The following RGS6 variants were observed in gnomAD, a reference collection of about 807,000 sequenced individuals.
RGS6 encodes regulator of G-protein signaling 6.
Under a neutral mutation model 78.5 loss-of-function variants are expected in RGS6, and 30 were observed. The observed-to-expected ratio is 0.38, with a 90% CI of 0.29 to 0.52. The LOEUF (loss-of-function observed/expected upper bound fraction) is 0.52, where lower values mean the gene tolerates loss of function less well. Ranked by LOEUF, RGS6 falls within the 20% of genes least tolerant of loss-of-function variation. The pLI is 0.85. For synonymous variants in RGS6, 206 were observed against 206.0 expected, an observed-to-expected ratio of 1.00 and a Z score of 0.00; for missense variants, 495 against 609.7, an observed-to-expected ratio of 0.81 and a Z score of 1.98.
intron 2 of RGS6, among the ~76,000 whole-genome samples, chr14:72,148,005 T>C (rs948153223): frequency 6.6e-6 from 1 of 151,692 alleles, no homozygotes; most frequent in African/African-American, 2.4e-5. Flanking sequence ...GTGGCAGGCG[T>C]CTGTAGTCCC....
chr14:72,397,698 G>T (rs567532828), intron 3 of RGS6, among the ~76,000 whole-genome samples: 2 of 152,144 alleles, frequency 1.3e-5, no homozygotes, highest in African/African-American at 4.8e-5. Context: ...GTCATACATA[G>T]CTCTTATTAT....
At chr14:72,428,208 A>G (rs1382837691) in intron 3 of RGS6, among the ~76,000 whole-genome samples, 1 of 152,166 alleles carries the variant, frequency 6.6e-6, no homozygotes, top group Non-Finnish European at 1.5e-5. Flanking sequence ...CAGAGAAATA[A>G]CAGGATTCCA....
In RGS6 at chr14:72,027,718, G is replaced by A. The variant is rs934030539; in HGVS notation, c.84+62843G>A. ...GCCTGCCCAAGACAGAGTGGAGTTGGTCTACTCCTGAATATATTAACCATT... is the reference window on the plus strand; with the variant it reads ...GCCTGCCCAAGACAGAGTGGAGTTGATCTACTCCTGAATATATTAACCATT... On this transcript the variant is annotated intron_variant, in intron 2 of 17. Transcript: ENST00000553525. Among the ~76,000 whole-genome samples, 19 of 152,282 alleles carry A rather than the reference G, an allele frequency of 1.2e-4. No homozygotes were observed. In the South Asian group the frequency reaches 1.7e-3, roughly 13 times the overall value.
intron 3 of RGS6, among the ~76,000 whole-genome samples, chr14:72,402,800 T>G (rs1232112270): frequency 7.1e-6 from 1 of 140,180 alleles, no homozygotes; most frequent in South Asian, 2.5e-4. Context: ...GTTTTTTTTT[T>G]TTTTTTTTTT....
the RGS6 span, among the ~76,000 whole-genome samples, chr14:71,881,552 T>C: frequency 6.6e-6 from 1 of 152,308 alleles, no homozygotes; most frequent in East Asian, 1.9e-4. Context: ...CTGATGGCTT[T>C]ATAAGGGGAA....
chr14:72,294,077 C>T (rs1046091266), intron 2 of RGS6, among the ~76,000 whole-genome samples: 9 of 152,204 alleles, frequency 5.9e-5, no homozygotes, highest in Admixed American at 2.6e-4. Context: ...TGCTTCTCCA[C>T]GCCTTCCACC....
intron 2 of RGS6, among the ~76,000 whole-genome samples, chr14:72,150,857 C>T (rs1002048583): frequency 5.3e-5 from 8 of 152,136 alleles, no homozygotes; most frequent in South Asian, 2.1e-4. Flanking sequence ...TGGGTAGGGA[C>T]GCAAATCCAA....
At chr14:72,291,351 A>G (rs1473779524) in intron 2 of RGS6, among the ~76,000 whole-genome samples, 2 of 151,990 alleles carry the variant, frequency 1.3e-5, no homozygotes, top group Non-Finnish European at 2.9e-5. Flanking sequence ...TTAGTTCTTC[A>G]TGGCTGGGTT....
At chr14:72,125,173 C>G (rs1567256261) in intron 2 of RGS6, among the ~76,000 whole-genome samples, 1 of 152,140 alleles carries the variant, frequency 6.6e-6, no homozygotes, top group African/African-American at 2.4e-5. Context: ...ACTCCTAGCA[C>G]CTCAGGAAAG....
chr14:72,195,287 A>G (rs1270842712), intron 2 of RGS6, among the ~76,000 whole-genome samples: 1 of 152,150 alleles, frequency 6.6e-6, no homozygotes, highest in Admixed American at 6.5e-5. Flanking sequence ...AGCTGTTGTC[A>G]TACTTGAGTC....
chr14:72,295,531 A>T (rs1198511888), intron 2 of RGS6, among the ~76,000 whole-genome samples: 5 of 152,132 alleles, frequency 3.3e-5, no homozygotes, highest in Non-Finnish European at 7.3e-5. Context: ...GGGAGATATG[A>T]AACAACGGAG....
At chr14:72,365,469 GT>G (rs1194459026) in intron 3 of RGS6, among the ~76,000 whole-genome samples, 2 of 152,198 alleles carry the variant, frequency 1.3e-5, no homozygotes, top group African/African-American at 4.8e-5. Flanking sequence ...GCTTTGTGGT[GT>G]GTTTGTTTAC....
chr14:72,111,039 A>G (rs1227356803), intron 2 of RGS6, among the ~76,000 whole-genome samples: 1 of 152,116 alleles, frequency 6.6e-6, no homozygotes, highest in Non-Finnish European at 1.5e-5. Context: ...TGTTCCTCAA[A>G]TCAAATCTGA....
At chr14:72,483,888 A>G (rs1039822869) in intron 12 of RGS6, among the ~76,000 whole-genome samples, 3 of 151,506 alleles carry the variant, frequency 2.0e-5, no homozygotes, top group Admixed American at 2.0e-4. Flanking sequence ...AAGTTTCTCT[A>G]TTGAATGTGT....
chr14:72,396,510 T>C (rs951495406), intron 3 of RGS6, among the ~76,000 whole-genome samples: 2 of 152,150 alleles, frequency 1.3e-5, no homozygotes, highest in Non-Finnish European at 2.9e-5. Context: ...TTCACTCTGA[T>C]GGTGGTTTCT....
At chr14:72,469,274 G>A (rs544890311) in intron 7 of RGS6, among the ~76,000 whole-genome samples, 115 of 149,792 alleles carry the variant, frequency 7.7e-4, no homozygotes, top group Non-Finnish European at 1.3e-3. Flanking sequence ...GCAGGATCTC[G>A]GCTCACTGCA....
chr14:72,612,868 G>C, the RGS6 span, among the ~76,000 whole-genome samples: 1 of 152,214 alleles, frequency 6.6e-6, no homozygotes, highest in Non-Finnish European at 1.5e-5. Context: ...GCTGTGCAGA[G>C]GCTGAGAGCT....
intron 2 of RGS6, among the ~76,000 whole-genome samples, chr14:72,220,054 A>C (rs1461718870): frequency 6.6e-6 from 1 of 152,238 alleles, no homozygotes; most frequent in South Asian, 2.1e-4. Flanking sequence ...ACACAAAATC[A>C]GTGAACAAAA....
chr14:72,312,621 T>G (rs1162383333), intron 2 of RGS6, among the ~76,000 whole-genome samples: 2 of 152,178 alleles, frequency 1.3e-5, no homozygotes, highest in African/African-American at 4.8e-5. Context: ...TAGTTATGCG[T>G]AGGAGTAAAA....
Sources: allele counts gnomAD v4.1 joint callset (sites outside exome capture counted in the v4.1 genomes callset), GRCh38; gene constraint gnomAD v4.1.1; transcripts MANE v1.5; gene names NCBI Gene and HGNC (gene_info 2026-07-23, HGNC 2026-07-21).